The following TRDN variants were observed in gnomAD, a reference collection of about 807,000 sequenced individuals.
TRDN encodes the protein triadin.
In TRDN, 161 loss-of-function variants were observed where a neutral mutation model predicts 149.7. The ratio of observed to expected loss-of-function variants is 1.08; its 90% CI spans 0.95 to 1.23. The LOEUF (loss-of-function observed/expected upper bound fraction) is 1.23. Ranked by LOEUF, TRDN falls within the 50% of genes most tolerant of loss-of-function variation. The probability of loss-of-function intolerance (pLI) is 0.00; values close to 1 mark genes in which losing one functional copy is unlikely to be tolerated. For synonymous variants in TRDN, 294 were observed against 250.5 expected (o/e 1.17, Z -1.64); for missense variants, 896 against 823.5 (o/e 1.09, Z -1.08).
At chr6:123,300,419 T>G (rs1582839541) in intron 24 of TRDN, among the ~76,000 whole-genome samples, 1 of 151,932 alleles carries the variant, frequency 6.6e-6, no homozygotes, top group African/African-American at 2.4e-5. Flanking sequence ...TAAGTAATCT[T>G]TAGTAATTTT....
intron 38 of TRDN, among the ~76,000 whole-genome samples, chr6:123,232,092 C>T (rs566675294): frequency 6.6e-6 from 1 of 151,650 alleles, no homozygotes; most frequent in South Asian, 2.1e-4. Context: ...ATGTAGAAAA[C>T]AAAACTGGAT....
At chr6:123,382,046 A>C in intron 15 of TRDN, 72 bp downstream of exon 15, 1 of 1,150,146 alleles carries the variant, frequency 8.7e-7, no homozygotes, top group South Asian at 2.2e-5. Context: ...CTTCTACATC[A>C]ATCCTTTAAG....
intron 39 of TRDN, among the ~76,000 whole-genome samples, chr6:123,223,865 T>G (rs1775255043): frequency 6.6e-6 from 1 of 151,632 alleles, no homozygotes; most frequent in Non-Finnish European, 1.5e-5. Flanking sequence ...CATCTGACAA[T>G]TGTAAATAAA....
chr6:123,267,181 A>G (rs532986838), intron 32 of TRDN, among the ~76,000 whole-genome samples: 270 of 151,074 alleles, frequency 1.8e-3, no homozygotes, highest in African/African-American at 6.2e-3. Flanking sequence ...AGAATTTACC[A>G]AAAGAGAGAG....
chr6:123,369,217 A>G (rs1019952053), intron 19 of TRDN, among the ~76,000 whole-genome samples: 28 of 152,068 alleles, frequency 1.8e-4, no homozygotes, highest in African/African-American at 6.5e-4. Context: ...TTCTGTATGC[A>G]TCTGTGTGTC....
At chr6:123,285,469 C>T (rs1219277528) in intron 24 of TRDN, among the ~76,000 whole-genome samples, 1 of 151,966 alleles carries the variant, frequency 6.6e-6, no homozygotes, top group East Asian at 1.9e-4. Context: ...GGTGCTGGGA[C>T]AATTGGCAAG....
intron 12 of TRDN, among the ~76,000 whole-genome samples, chr6:123,401,952 G>GAAAAAAAAAAAAAAAAAAAA (rs1322233071): frequency 1.3e-5 from 1 of 75,124 alleles, no homozygotes. Context: ...AACTCAAAAA[G>GAAAAAAAAAAAAAAAAAAAA]AAAAAAAAAA....
At chr6:123,480,492 T>A (rs954007919) in intron 9 of TRDN, among the ~76,000 whole-genome samples, 6 of 152,106 alleles carry the variant, frequency 3.9e-5, no homozygotes, top group African/African-American at 1.4e-4. Context: ...GTTTTCACAA[T>A]GCATATTCCT....
intron 2 of TRDN, among the ~76,000 whole-genome samples, chr6:123,555,113 T>G (rs551142378): frequency 6.6e-6 from 1 of 152,278 alleles, no homozygotes; most frequent in Non-Finnish European, 1.5e-5. Flanking sequence ...TGAAATTTGG[T>G]GTCTTCATTG....
At chr6:123,454,469 G>C in intron 10 of TRDN, among the ~76,000 whole-genome samples, 1 of 152,292 alleles carries the variant, frequency 6.6e-6, no homozygotes, top group East Asian at 1.9e-4. Flanking sequence ...ACATGAGCTT[G>C]TATGCACTAG....
intron 4 of TRDN, among the ~76,000 whole-genome samples, chr6:123,536,854 C>T (rs943180877): frequency 2.6e-4 from 39 of 151,902 alleles, no homozygotes; most frequent in African/African-American, 4.1e-4. Context: ...ACTGCATTTC[C>T]GCCTGGGCAG....
At chr6:123,218,924 G>A (rs758925181) in intron 40 of TRDN, among the ~76,000 whole-genome samples, 184 bp from the exon 41 acceptor site, 2 of 151,780 alleles carry the variant, frequency 1.3e-5, no homozygotes, top group Admixed American at 6.6e-5. Flanking sequence ...AACGAAAACC[G>A]CACAGAAATA....
Position 123,387,949 on chromosome 6 carries a change from A to G in TRDN, c.1135+573T>C, listed in dbSNP as rs561973305. Among the ~76,000 whole-genome samples, 16 of 152,266 alleles carry G rather than the reference A, an allele frequency of 1.1e-4. No homozygotes were observed. The South Asian group carries it at 2.9e-3, about 28-fold the overall frequency. On this transcript the variant is annotated intron_variant, in intron 14 of 40. Transcript: ENST00000334268. ...TGTTTTATATGTTTTTTAGCTGGTC[A>G]TGGACACTGGATCTCTTGAATCTAC...
chr6:123,574,889 T>C (rs1330687461), intron 1 of TRDN, among the ~76,000 whole-genome samples: 4 of 107,078 alleles, frequency 3.7e-5, no homozygotes, highest in African/African-American at 1.4e-4. Flanking sequence ...TATATATATA[T>C]ATATACACAC....
chr6:123,560,572 A>G (rs1047934294), intron 2 of TRDN, among the ~76,000 whole-genome samples: 2 of 152,206 alleles, frequency 1.3e-5, no homozygotes, highest in Non-Finnish European at 2.9e-5. Context: ...AAAAGCAGCC[A>G]TCAAAAGGGC....
At chr6:123,442,892 G>T (rs1413503875) in intron 10 of TRDN, among the ~76,000 whole-genome samples, 1 of 152,128 alleles carries the variant, frequency 6.6e-6, no homozygotes, top group African/African-American at 2.4e-5. Context: ...GTACTGCAAT[G>T]AAGTGGATTC....
At chr6:123,318,308 TG>T (rs1288003357) in intron 23 of TRDN, among the ~76,000 whole-genome samples, 2 of 152,072 alleles carry the variant, frequency 1.3e-5, no homozygotes, top group Non-Finnish European at 2.9e-5. Flanking sequence ...GGAGTACTTA[TG>T]GCTCAAGTGC....
At chr6:123,333,761 C>A (rs1190450859) in intron 22 of TRDN, among the ~76,000 whole-genome samples, 1 of 152,066 alleles carries the variant, frequency 6.6e-6, no homozygotes, top group African/African-American at 2.4e-5. Context: ...TTTGAGTCAA[C>A]TCTTATGACA....
intron 10 of TRDN, chr6:123,439,776 T>C (rs181688462): frequency 6.6e-6 from 1 of 152,342 alleles, no homozygotes; most frequent in African/African-American, 2.4e-5. Flanking sequence ...GACACTTTTC[T>C]GGTAAGCATA....
Sources: gnomAD v4.1 joint callset for allele counts (sites outside exome capture counted in the v4.1 genomes callset) on GRCh38, gnomAD v4.1.1 for gene constraint, MANE v1.5 for transcripts, NCBI Gene and HGNC (gene_info 2026-07-23, HGNC 2026-07-21) for gene names.